FNTA: variants seen among roughly 807,000 people sequenced by gnomAD.
FNTA encodes the protein protein farnesyltransferase/geranylgeranyltransferase type-1 subunit alpha.
A neutral mutation model predicts 55.2 loss-of-function variants in FNTA; 27 were observed. That is an observed-to-expected ratio of 0.49 (90% CI 0.36 to 0.67). FNTA has a LOEUF of 0.67. Ranked by LOEUF, FNTA falls within the 30% of genes least tolerant of loss-of-function variation. The probability of loss-of-function intolerance (pLI) is 0.00; values close to 1 mark genes in which losing one functional copy is unlikely to be tolerated. For synonymous variants in FNTA, 176 were observed against 170.7 expected (o/e 1.03, Z -0.24); for missense variants, 422 against 464.7 (o/e 0.91, Z 0.85).
At chr8:43,074,719 A>C (rs1810870701) in intron 5 of FNTA, among the ~76,000 whole-genome samples, 1 of 152,186 alleles carries the variant, frequency 6.6e-6, no homozygotes, top group Non-Finnish European at 1.5e-5. Flanking sequence ...GCAAAATTAT[A>C]GACGTAGAGA....
At chr8:43,067,806 G>A (rs868030759) in intron 3 of FNTA, among the ~76,000 whole-genome samples, 4 of 152,198 alleles carry the variant, frequency 2.6e-5, no homozygotes, top group Admixed American at 1.3e-4. Context: ...TGCAACCTCC[G>A]TCACCGGGGT....
At chr8:43,073,648 C>T (rs141780310) in intron 5 of FNTA, 1 of 151,816 alleles carries the variant, frequency 6.6e-6, no homozygotes, top group East Asian at 1.9e-4. Context: ...CAGGTTTTCT[C>T]TGCTTATTTT....
intron 2 of FNTA, among the ~76,000 whole-genome samples, chr8:43,062,047 A>G (rs1180147064): frequency 6.6e-6 from 1 of 151,968 alleles, no homozygotes; most frequent in Admixed American, 6.6e-5. Context: ...TAAAAGAATA[A>G]TGTTTCATTT....
intron 2 of FNTA, 135 bp downstream of exon 2, chr8:43,059,312 G>T: frequency 3.2e-6 from 2 of 621,506 alleles, no homozygotes; most frequent in Admixed American, 3.4e-5. Context: ...AGTTAATTTT[G>T]TGTTTTTTTT....
rs1373884938 is a variant in FNTA at position 43,084,684 on chromosome 8, T to A, written c.846-26T>A. The A allele has an allele frequency of 4.5e-6, 7 of 1,555,980 alleles. 1 individual carries two copies. In the African/African-American group the frequency reaches 9.7e-5, roughly 22 times the overall value. On this transcript the variant is annotated intron_variant, in intron 7 of 8. Coordinates refer to ENST00000302279, the MANE Select transcript of FNTA (RefSeq NM_002027.3). The stretch of plus-strand genomic sequence containing the variant: ...TTTGTTCTTCCTTCACAAAATCAAG[T>A]CTTTGTTTTTTGTTGTTGTTTACAG...
intron 4 of FNTA, 24 bp from the exon 5 acceptor site, chr8:43,072,157 T>C: frequency 6.9e-7 from 1 of 1,454,608 alleles, no homozygotes; most frequent in Non-Finnish European, 9.1e-7. Flanking sequence ...AACAAAAAAC[T>C]TCTCTCCCTT....
chr8:43,069,322 G>A (rs1013987751), intron 3 of FNTA, among the ~76,000 whole-genome samples: 7 of 151,888 alleles, frequency 4.6e-5, no homozygotes, highest in South Asian at 2.1e-4. Context: ...GTTTCACCAC[G>A]TTGGCAAGGC....
chr8:43,059,556 A>G (rs55959405), intron 2 of FNTA, among the ~76,000 whole-genome samples: 2,476 of 152,326 alleles, frequency 0.016, 76 homozygotes, highest in African/African-American at 0.056. Context: ...ATTTAAACAT[A>G]TATTTTGGCA....
At chr8:43,057,095 T>A (rs1810425987) in intron 1 of FNTA, 1 of 152,224 alleles carries the variant, frequency 6.6e-6, no homozygotes, top group African/African-American at 2.4e-5. Context: ...AAAAGAGATT[T>A]GCTACTGAAC....
chr8:43,084,957 C>A, intron 8 of FNTA, 76 bp downstream of exon 8: 1 of 1,393,536 alleles, frequency 7.2e-7, no homozygotes, highest in Non-Finnish European at 1.0e-6. Context: ...ATATCCATGT[C>A]CCCTTTCAAC....
At chr8:43,065,907 A>G (rs1304738807) in intron 3 of FNTA, among the ~76,000 whole-genome samples, 2 of 151,534 alleles carry the variant, frequency 1.3e-5, no homozygotes, top group Non-Finnish European at 2.9e-5. Flanking sequence ...AAAATTGTAG[A>G]TTGGAAATTA....
intron 5 of FNTA, 39 bp downstream of exon 5, chr8:43,072,346 T>G: frequency 6.9e-7 from 1 of 1,448,060 alleles, no homozygotes; most frequent in Non-Finnish European, 9.2e-7. Context: ...AGATTTTTTT[T>G]TTAACTGAAC....
At chr8:43,057,449 T>C (rs1033256481) in intron 1 of FNTA, 1 of 152,212 alleles carries the variant, frequency 6.6e-6, no homozygotes, top group Non-Finnish European at 1.5e-5. Context: ...CTCTGGATTG[T>C]GAAATACTCA....
rs1207045737 is a variant in FNTA, at chr8:43,073,831, CAAAG to C, written c.633+1527_633+1530del. Among the ~76,000 whole-genome samples, 4 of 152,130 alleles carry C rather than the reference CAAAG, an allele frequency of 2.6e-5. No homozygotes were observed. The East Asian group carries it at 7.7e-4, about 29-fold the overall frequency. On this transcript the variant is annotated intron_variant, in intron 5 of 8. Transcript: ENST00000302279. ...AAATGCACAGGACAGTCCCCCACAA[CAAAG>C]AATTATCCAGCCCATACTTTCAGTA...
intron 5 of FNTA, among the ~76,000 whole-genome samples, chr8:43,074,990 G>A (rs1289078738): frequency 6.6e-6 from 1 of 152,132 alleles, no homozygotes; most frequent in Non-Finnish European, 1.5e-5. Context: ...TCTGGTTTTG[G>A]GATTGCACTT....
At chr8:43,081,946 A>G (rs1811034872) in intron 6 of FNTA, 5 of 152,230 alleles carry the variant, frequency 3.3e-5, no homozygotes, top group Admixed American at 2.0e-4. Flanking sequence ...GCCAAAATGA[A>G]ATTAAGAATC....
intron 7 of FNTA, 105 bp from the exon 8 acceptor site, chr8:43,084,605 C>T: frequency 1.2e-6 from 1 of 812,320 alleles, no homozygotes; most frequent in South Asian, 1.8e-5. Context: ...CAAAATAACT[C>T]TCCTTTTCTT....
At chr8:43,078,640 G>A (rs577777589) in intron 6 of FNTA, 4 of 152,186 alleles carry the variant, frequency 2.6e-5, no homozygotes, top group African/African-American at 9.6e-5. Flanking sequence ...CTCACCTCAG[G>A]CCTCCCTATT....
In FNTA at chr8:43,072,274, T is replaced by C. The variant is rs199989190; in HGVS notation, c.600T>C (p.Tyr200=). 8.6e-5 allele frequency: 137 copies of C among 1,595,056 alleles called. 1 individual carries two copies. Among genetic ancestry groups the C allele is most frequent in the South Asian group, 3.4e-5 (3 of 87,956 alleles). The part of the protein sequence containing the change: ...ADILNQDAKN[Y]HAWQHRQWVI... ...TTCTTAATCAGGATGCAAAGAATTA[T>C]CATGCCTGGCAGCATCGACAATGGG... is the stretch of plus-strand genomic sequence containing the variant. The change falls in exon 5 of 9, where the codon TAT becomes TAC. Residue 200 remains tyrosine, a synonymous_variant. Coordinates refer to ENST00000302279, the MANE Select transcript of FNTA (RefSeq NM_002027.3).
Sources: gnomAD v4.1 joint callset for allele counts (sites outside exome capture counted in the v4.1 genomes callset) on GRCh38, gnomAD v4.1.1 for gene constraint, MANE v1.5 for transcripts, NCBI Gene and HGNC (gene_info 2026-07-23, HGNC 2026-07-21) for gene names.